Variants in TRIM71 observed in about 807,000 individuals in gnomAD.
TRIM71 encodes E3 ubiquitin-protein ligase TRIM71.
Under a neutral mutation model 61.2 loss-of-function variants are expected in TRIM71, and 9 were observed. That is an observed-to-expected ratio of 0.15 (90% CI 0.09 to 0.26). The LOEUF is 0.26. TRIM71 is among the 10% of genes least tolerant of loss of function. The pLI is 1.00. For synonymous variants in TRIM71, 645 were observed against 553.2 expected, an observed-to-expected ratio of 1.17 and a Z score of -2.33; for missense variants, 998 against 1,238.7, an observed-to-expected ratio of 0.81 and a Z score of 2.92.
chr3:32,865,179 A>G (rs1696718762), intron 1 of TRIM71, among the ~76,000 whole-genome samples: 1 of 152,042 alleles, frequency 6.6e-6, no homozygotes, highest in South Asian at 2.1e-4. Flanking sequence ...AATACAAAAA[A>G]TTAGCTGGGT....
rs1268274212 is a variant in TRIM71, at chr3:32,818,660, C to T, written c.580C>T (p.Arg194Cys). 1.3e-6 allele frequency: 2 copies of T among 1,514,282 alleles called. No individual in the cohort carries two copies. The highest frequency in any genetic ancestry group is 1.8e-6 in the Non-Finnish European group (2 of 1,141,290). 93.8% of individuals were successfully genotyped at this position (1,514,282 alleles called of 1,614,324 possible). A position where few individuals can be genotyped will look rare whatever the true frequency, so the allele number is the denominator to read the frequency against. ...PAASPSALLL[R>C]RPHGCSSCDE... The stretch of plus-strand genomic sequence containing the variant: ...CGCTTCCCCGTCGGCGCTGCTGCTC[C>T]GCCGTCCTCACGGCTGCAGCTCGTG... Residue 194 changes from arginine to cysteine, a missense_variant, in exon 1 of 4, where the codon CGC (arginine) becomes TGC (cysteine). Physicochemically the swap from Arg to Cys is radical, Grantham distance 180. This residue lies in a region of TRIM71 where 527 missense variants were observed against 427.8 expected (regional missense o/e 1.23). Transcript: ENST00000383763.
chr3:32,881,761 C>T (rs1448947645), intron 2 of TRIM71, among the ~76,000 whole-genome samples: 1 of 152,136 alleles, frequency 6.6e-6, no homozygotes, highest in East Asian at 1.9e-4. Flanking sequence ...CCCTGTATGT[C>T]CTTCAGATGC....
Position 32,885,986 on chromosome 3 carries a change from A to T in TRIM71, c.1073A>T (p.Lys358Met), listed in dbSNP as rs1308908268. 6.2e-7 allele frequency: 1 copy of T among 1,614,078 alleles called. No individual in the cohort carries two copies. Among genetic ancestry groups the T allele is most frequent in the Non-Finnish European group, 8.5e-7 (1 of 1,180,036 alleles). ...TVAEQVEMKAKVVQSEVKAVT... is the reference protein window; with the variant it reads ...TVAEQVEMKAMVVQSEVKAVT... Reference sequence around the variant, plus strand: ...GCGGAACAGGTGGAGATGAAGGCGAAGGTTGTGCAGTCGGAGGTCAAAGCC... The same window carrying T: ...GCGGAACAGGTGGAGATGAAGGCGATGGTTGTGCAGTCGGAGGTCAAAGCC... The change falls in exon 3 of 4, where the codon AAG becomes ATG. Residue 358 changes from lysine (K) to methionine (M), a missense_variant. Coordinates refer to ENST00000383763, the MANE Select transcript of TRIM71 (RefSeq NM_001039111.3).
At chr3:32,845,660 G>A (rs1226318738) in intron 1 of TRIM71, among the ~76,000 whole-genome samples, 1 of 152,080 alleles carries the variant, frequency 6.6e-6, no homozygotes, top group Admixed American at 6.5e-5. Context: ...AAAGGGCCTT[G>A]GGATCTTTCA....
At chr3:32,877,160 A>G (rs966135713) in intron 2 of TRIM71, among the ~76,000 whole-genome samples, 17 of 152,196 alleles carry the variant, frequency 1.1e-4, no homozygotes, top group South Asian at 4.1e-4. Flanking sequence ...CTGGAGTGCA[A>G]TGGTGCAATC....
In TRIM71 at chr3:32,891,043, T is replaced by C. The variant is rs1697019090; in HGVS notation, c.1839T>C (p.Ser613=). 2 of 1,613,302 alleles carry C rather than the reference T, an allele frequency of 1.2e-6. No homozygotes were observed. Among genetic ancestry groups the C allele is most frequent in the Non-Finnish European group, 1.7e-6 (2 of 1,179,978 alleles). ...DGKLCRPWGV[S]VDKEGYIIVA... ...AGCTCTGCCGCCCTTGGGGTGTGAGTGTAGACAAGGAGGGCTACATCATTG... is the reference window on the plus strand; with the variant it reads ...AGCTCTGCCGCCCTTGGGGTGTGAGCGTAGACAAGGAGGGCTACATCATTG... The change falls in exon 4 of 4, where the codon AGT becomes AGC. Residue 613 remains serine (S), a synonymous_variant. Transcript: ENST00000383763. This position sits in a 1 kb window ranked among gnomAD's most constrained non-coding sequence, Gnocchi z 8.2.
chr3:32,853,120 CTT>C (rs57169750), intron 1 of TRIM71, among the ~76,000 whole-genome samples: 7,085 of 96,842 alleles, frequency 0.073, 243 homozygotes, highest in East Asian at 0.38. Context: ...CTCTCTCTCT[CTT>C]TTTTTTTTTT....
chr3:32,841,947 C>G (rs1044205853), intron 1 of TRIM71, among the ~76,000 whole-genome samples: 5 of 152,162 alleles, frequency 3.3e-5, no homozygotes, highest in African/African-American at 1.2e-4. Flanking sequence ...CAGTGCTCAG[C>G]CAGGGTGCAG....
chr3:32,854,687 A>G (rs1467706337), intron 1 of TRIM71, among the ~76,000 whole-genome samples: 2 of 152,210 alleles, frequency 1.3e-5, no homozygotes, highest in Non-Finnish European at 2.9e-5. Flanking sequence ...TTAATAGATG[A>G]GAATGGTGTT....
intron 2 of TRIM71, among the ~76,000 whole-genome samples, chr3:32,884,348 A>C (rs906438033): frequency 6.6e-6 from 1 of 152,136 alleles, no homozygotes. Flanking sequence ...GGGCAGGAAG[A>C]ATATTCATAA....
chr3:32,821,664 C>A (rs1031299330), intron 1 of TRIM71, among the ~76,000 whole-genome samples: 3 of 152,154 alleles, frequency 2.0e-5, no homozygotes, highest in Non-Finnish European at 2.9e-5. Flanking sequence ...CCTCCAGAGT[C>A]CGAAAGGCCT....
At chr3:32,841,006 G>A (rs901640303) in intron 1 of TRIM71, among the ~76,000 whole-genome samples, 2 of 152,288 alleles carry the variant, frequency 1.3e-5, no homozygotes, top group Admixed American at 6.5e-5. Flanking sequence ...CAGCACTTTG[G>A]GAGGCCGAGG....
intron 1 of TRIM71, among the ~76,000 whole-genome samples, chr3:32,855,376 A>G (rs1343520811): frequency 3.3e-5 from 5 of 151,112 alleles, no homozygotes; most frequent in African/African-American, 1.2e-4. Context: ...GGGGTGGGGG[A>G]GGGCATGGCT....
intron 1 of TRIM71, among the ~76,000 whole-genome samples, chr3:32,837,567 C>G (rs1468777389): frequency 3.3e-5 from 5 of 152,152 alleles, no homozygotes; most frequent in Non-Finnish European, 7.3e-5. Flanking sequence ...TGCCTGTAAT[C>G]CCAGCACTTT....
Position 32,891,576 on chromosome 3 carries a change from A to G in TRIM71, c.2372A>G (p.Asn791Ser), listed in dbSNP as rs201763394. 3.8e-5 allele frequency: 61 copies of G among 1,613,886 alleles called. No homozygotes were observed. In the African/African-American group the frequency reaches 4.4e-4, roughly 12 times the overall value. ...TTTCTGGGCTCGGAGGGCACAGGCA[A>G]TGGGCAGTTCCTGCGCCCACAAGGG... is the stretch of plus-strand genomic sequence containing the variant. ...ARFLGSEGTG[N>S]GQFLRPQGVA... Residue 791 changes from asparagine (N) to serine (S), a missense_variant, in exon 4 of 4, where the codon AAT becomes AGT. Around this residue, in one of 5 missense-constraint regions of TRIM71, gnomAD observed 95 missense variants for 159.0 expected, o/e 0.60. Coordinates refer to ENST00000383763, the MANE Select transcript of TRIM71 (RefSeq NM_001039111.3). This position sits in a 1 kb window ranked among gnomAD's most constrained non-coding sequence, Gnocchi z 8.2.
chr3:32,882,860 T>C (rs1481691368), intron 2 of TRIM71, among the ~76,000 whole-genome samples: 7 of 152,182 alleles, frequency 4.6e-5, no homozygotes, highest in Non-Finnish European at 1.0e-4. Flanking sequence ...TAATAGCAAT[T>C]CTTTTTCACC....
intron 1 of TRIM71, among the ~76,000 whole-genome samples, chr3:32,835,686 T>C (rs1469184552): frequency 6.6e-6 from 1 of 152,224 alleles, no homozygotes; most frequent in African/African-American, 2.4e-5. Flanking sequence ...AATTGCTGGA[T>C]GAATAGAAAA....
At chr3:32,855,836 C>T (rs1041431344) in intron 1 of TRIM71, among the ~76,000 whole-genome samples, 1 of 152,128 alleles carries the variant, frequency 6.6e-6, no homozygotes, top group African/African-American at 2.4e-5. Context: ...GTTTATAAAA[C>T]AACCCACAGT....
In TRIM71 at chr3:32,891,920, G is replaced by T; in HGVS notation, c.*109G>T. Reference sequence around the variant, plus strand: ...AATTTCAAAGAAGAAACAGTCTCAGGGAAATTTCTTTTTTCTTTTTTTTTT... The same window carrying T: ...AATTTCAAAGAAGAAACAGTCTCAGTGAAATTTCTTTTTTCTTTTTTTTTT... On this transcript the variant is annotated 3_prime_UTR_variant, in exon 4 of 4. Transcript: ENST00000383763. This position sits in a 1 kb window ranked among gnomAD's most constrained non-coding sequence, Gnocchi z 8.2. 2.1e-6 allele frequency: 3 copies of T among 1,447,664 alleles called. No individual in the cohort carries two copies. The highest frequency in any genetic ancestry group is 2.7e-6 in the Non-Finnish European group (3 of 1,102,192). The allele number at this position is 1,447,664 out of a possible 1,614,324, so 89.7% of individuals were successfully genotyped here. A position where few individuals can be genotyped will look rare whatever the true frequency, so the allele number is the denominator to read the frequency against.
Sources: gnomAD v4.1 joint callset for allele counts (sites outside exome capture counted in the v4.1 genomes callset) on GRCh38, gnomAD v4.1.1 for gene constraint, gnomAD v4.1.1 regional missense constraint, Gnocchi (gnomAD v3.1) non-coding constraint, MANE v1.5 for transcripts, NCBI Gene and HGNC (gene_info 2026-07-23, HGNC 2026-07-21) for gene names.